The following MED12L variants were observed in gnomAD, a reference collection of about 807,000 sequenced individuals.
MED12L encodes the protein mediator of RNA polymerase II transcription subunit 12-like protein.
Under a neutral mutation model 281.3 loss-of-function variants are expected in MED12L, and 60 were observed. The ratio of observed to expected loss-of-function variants is 0.21; its 90% CI spans 0.17 to 0.26. The LOEUF (loss-of-function observed/expected upper bound fraction) is 0.26, where lower values mean the gene tolerates loss of function less well. Among genes scored for constraint, MED12L ranks in the 10% least tolerant of loss-of-function variants. The pLI, the probability that MED12L is intolerant of heterozygous loss-of-function variation, is 1.00. For synonymous variants in MED12L, 974 were observed against 987.2 expected (o/e 0.99, Z 0.25); for missense variants, 2,146 against 2,680.9 (o/e 0.80, Z 4.41).
chr3:151,220,222 A>G (rs1196239896), intron 16 of MED12L, among the ~76,000 whole-genome samples: 1 of 151,434 alleles, frequency 6.6e-6, no homozygotes, highest in Non-Finnish European at 1.5e-5. Context: ...TTTGATTACC[A>G]CCAGTGTAAT....
chr3:151,345,517 C>CTTTTTTT (rs201731496), intron 16 of MED12L, among the ~76,000 whole-genome samples: 29 of 131,634 alleles, frequency 2.2e-4, no homozygotes, highest in Non-Finnish European at 3.6e-4. Flanking sequence ...TTTTCTTTTT[C>CTTTTTTT]TTTTTTTTTT....
intron 16 of MED12L, among the ~76,000 whole-genome samples, chr3:151,250,248 TTG>T (rs1410380360): frequency 2.0e-5 from 3 of 152,166 alleles, no homozygotes; most frequent in African/African-American, 7.2e-5. Flanking sequence ...AAGATTTTTT[TTG>T]TCTTTGAGGT....
At chr3:151,285,570 A>T (rs922264773) in intron 16 of MED12L, among the ~76,000 whole-genome samples, 2 of 152,020 alleles carry the variant, frequency 1.3e-5, no homozygotes, top group African/African-American at 4.8e-5. Flanking sequence ...ATGACTACAC[A>T]TTGGGTACAT....
intron 36 of MED12L, among the ~76,000 whole-genome samples, chr3:151,385,638 G>T (rs944782884): frequency 2.0e-5 from 3 of 151,410 alleles, no homozygotes; most frequent in African/African-American, 4.9e-5. Context: ...GGAGTTTAAG[G>T]CTGCAATGTG....
chr3:151,373,781 AT>A (rs1331776699), intron 27 of MED12L, among the ~76,000 whole-genome samples: 2 of 152,172 alleles, frequency 1.3e-5, no homozygotes, highest in Non-Finnish European at 2.9e-5. Flanking sequence ...TGGTATTTTC[AT>A]AGTTTCTGGC....
chr3:151,283,750 G>T (rs545760088), intron 16 of MED12L, among the ~76,000 whole-genome samples: 5 of 152,268 alleles, frequency 3.3e-5, no homozygotes, highest in African/African-American at 9.6e-5. Flanking sequence ...TCCGTGCTCT[G>T]GTTCTGCAAG....
At chr3:151,263,558 TTATC>T (rs1175996476) in intron 16 of MED12L, among the ~76,000 whole-genome samples, 9 of 152,368 alleles carry the variant, frequency 5.9e-5, no homozygotes, top group African/African-American at 1.9e-4. Context: ...TTTACGTGTT[TTATC>T]GTTAATTTAA....
Position 151,384,102 on chromosome 3 carries a change from C to G in MED12L, c.4810C>G (p.Leu1604Val). ...HTNNELFTTV[L>V]DMLGVLINGT... Reference sequence around the variant, plus strand: ...TCTTAGTGAATTATTCACAACAGTTCTTGACATGCTGGGTGTTTTAATCAA... The same window carrying G: ...TCTTAGTGAATTATTCACAACAGTTGTTGACATGCTGGGTGTTTTAATCAA... Residue 1604 changes from leucine (L) to valine (V), a missense_variant, in exon 35 of 45, where the codon CTT becomes GTT. Transcript: ENST00000687756. The G allele has an allele frequency of 1.9e-6, 3 of 1,613,586 alleles. No individual in the cohort carries two copies. The highest frequency in any genetic ancestry group is 2.5e-6 in the Non-Finnish European group (3 of 1,179,780).
In MED12L at chr3:151,227,080, C is replaced by T. The variant is rs189660893; in HGVS notation, c.2250+33414C>T. On this transcript the variant is annotated intron_variant, in intron 16 of 44. Coordinates refer to ENST00000687756, the MANE Select transcript of MED12L (RefSeq NM_001393769.1). The stretch of plus-strand genomic sequence containing the variant: ...TGAGCTCAAGATCAGGTCACTTGAT[C>T]CTAACTCCTGCTGCTGTGACCCATC... Among the ~76,000 whole-genome samples, 496 of 152,294 alleles carry T rather than the reference C, an allele frequency of 3.3e-3. 4 individuals are homozygous for T. The highest frequency in any genetic ancestry group is 0.012 in the African/African-American group (481 of 41,554).
intron 16 of MED12L, among the ~76,000 whole-genome samples, chr3:151,311,662 T>G (rs1196714615): frequency 6.6e-6 from 1 of 152,228 alleles, no homozygotes; most frequent in Non-Finnish European, 1.5e-5. Flanking sequence ...AAGGATTGCA[T>G]ATTACTTTGA....
chr3:151,132,030 A>T (rs966178520), intron 5 of MED12L, among the ~76,000 whole-genome samples: 12 of 152,138 alleles, frequency 7.9e-5, no homozygotes, highest in Admixed American at 3.9e-4. Context: ...GGTTTTTATG[A>T]TTATTAATGT....
intron 38 of MED12L, among the ~76,000 whole-genome samples, chr3:151,391,863 A>G (rs1185984162): frequency 1.3e-5 from 2 of 152,224 alleles, no homozygotes; most frequent in African/African-American, 4.8e-5. Flanking sequence ...TTTTAAAAAT[A>G]GATTGTTGAG....
At chr3:151,231,936 A>C (rs1305161016) in intron 16 of MED12L, among the ~76,000 whole-genome samples, 1 of 152,178 alleles carries the variant, frequency 6.6e-6, no homozygotes, top group Non-Finnish European at 1.5e-5. Flanking sequence ...TGTTTGTATA[A>C]ACTTGTGTAT....
At chr3:151,415,339 G>C (rs1331855812) in intron 42 of MED12L, among the ~76,000 whole-genome samples, 1 of 152,194 alleles carries the variant, frequency 6.6e-6, no homozygotes, top group Non-Finnish European at 1.5e-5. Context: ...TAATGATGAA[G>C]TTGGGTTAAT....
chr3:151,364,854 C>A, intron 21 of MED12L, 125 bp from the exon 22 acceptor site: 1 of 683,264 alleles, frequency 1.5e-6, no homozygotes, highest in Non-Finnish European at 2.6e-6. Context: ...ATTAAGAACT[C>A]ATAATGTGAA....
At position 151,190,792 on chromosome 3, in the gene MED12L, A is replaced by G; in HGVS notation, c.1829A>G (p.Asp610Gly). ...VLLFCEFIRH[D>G]VFSHDAYMCT... is the part of the protein sequence containing the mutation. ...CTCTTCTGCGAGTTCATCCGCCATG[A>G]TGTCTTCTCCCATGACGCATACATG... Residue 610 changes from aspartate (D) to glycine (G), a missense_variant, in exon 14 of 45, where the codon GAT becomes GGT. Physicochemically the swap from Asp to Gly is moderately conservative, Grantham distance 94 (BLOSUM62 -1). Coordinates refer to ENST00000687756, the MANE Select transcript of MED12L (RefSeq NM_001393769.1). 1 of 1,614,164 alleles carries G rather than the reference A, an allele frequency of 6.2e-7. No homozygotes were observed. The highest frequency in any genetic ancestry group is 8.5e-7 in the Non-Finnish European group (1 of 1,180,022).
At chr3:151,235,180 C>G (rs933357470) in intron 16 of MED12L, among the ~76,000 whole-genome samples, 2 of 152,156 alleles carry the variant, frequency 1.3e-5, no homozygotes, top group Non-Finnish European at 2.9e-5. Context: ...TTAACCTACC[C>G]ACTTGAGCTT....
intron 23 of MED12L, 70 bp downstream of exon 23, chr3:151,366,061 C>G: frequency 7.7e-7 from 1 of 1,292,344 alleles, no homozygotes; most frequent in South Asian, 2.3e-5. Flanking sequence ...AATCTTTTTG[C>G]TTTTGGCTTT....
Position 151,372,609 on chromosome 3 carries a change from A to G in MED12L, c.3707A>G (p.Asn1236Ser), listed in dbSNP as rs1433281021. 7 of 1,613,836 alleles carry G rather than the reference A, an allele frequency of 4.3e-6. No homozygotes were observed. The highest frequency in any genetic ancestry group is 5.1e-6 in the Non-Finnish European group (6 of 1,179,854). Residue 1236 changes from asparagine to serine, a missense_variant, in exon 27 of 45, where the codon AAT (asparagine) becomes AGT (serine). By Grantham distance (46) the Asn-to-Ser change is conservative. Around this residue, in one of 9 missense-constraint regions of MED12L, gnomAD observed 235 missense variants for 260.3 expected, o/e 0.90. Coordinates refer to ENST00000687756, the MANE Select transcript of MED12L (RefSeq NM_001393769.1). ...AATAACAGTGTCAGCTCTTTAAAGA[A>G]TGATGACTTCACCATGAGAGGTTTG... is the stretch of plus-strand genomic sequence containing the variant. ...IGNNSVSSLK[N>S]DDFTMRGLRC...
Sources: gnomAD v4.1 joint callset for allele counts (sites outside exome capture counted in the v4.1 genomes callset) on GRCh38, gnomAD v4.1.1 for gene constraint, gnomAD v4.1.1 regional missense constraint, MANE v1.5 for transcripts, NCBI Gene and HGNC (gene_info 2026-07-23, HGNC 2026-07-21) for gene names.